Variants in RFX3 observed in about 807,000 individuals in gnomAD.
The protein encoded by RFX3 is transcription factor RFX3.
A neutral mutation model predicts 98.6 loss-of-function variants in RFX3; 14 were observed. The ratio of observed to expected loss-of-function variants is 0.14; its 90% confidence interval spans 0.09 to 0.22. The LOEUF (loss-of-function observed/expected upper bound fraction) is 0.22. Ranked by LOEUF, RFX3 falls within the 10% of genes least tolerant of loss-of-function variation. The pLI, the probability that RFX3 is intolerant of heterozygous loss-of-function variation, is 1.00. For missense variants in RFX3, 639 were observed against 926.9 expected (o/e 0.69, Z 4.03); for synonymous variants, 383 against 328.4 (o/e 1.17, Z -1.80).
intron 2 of RFX3, among the ~76,000 whole-genome samples, chr9:3,358,175 A>C (rs928856663): frequency 6.6e-6 from 1 of 152,164 alleles, no homozygotes; most frequent in East Asian, 1.9e-4. Flanking sequence ...ATCTATCAAA[A>C]GGGTTACTGT....
intron 4 of RFX3, among the ~76,000 whole-genome samples, chr9:3,327,693 T>C (rs1011694158): frequency 2.0e-5 from 3 of 152,088 alleles, no homozygotes; most frequent in Non-Finnish European, 4.4e-5. Context: ...TAGTATAAAA[T>C]TAATATGTAC....
Position 3,510,816 on chromosome 9 carries a change from G to T in RFX3, c.-9+14931C>A, listed in dbSNP as rs1044171593. ...TGTTTGGCTCATTAAACTTTATACT[G>T]GTGTTTTCTTCATACACTGTATCTT... On this transcript the variant is annotated intron_variant, in intron 1 of 16. Transcript: ENST00000617270. 2.6e-5 allele frequency among the ~76,000 whole-genome samples: 4 copies of T among 151,770 alleles called. No homozygotes were observed. The East Asian group carries it at 5.8e-4, about 22-fold the overall frequency.
At chr9:3,384,463 T>C (rs1269891368) in intron 2 of RFX3, among the ~76,000 whole-genome samples, 3 of 152,196 alleles carry the variant, frequency 2.0e-5, no homozygotes, top group Non-Finnish European at 2.9e-5. Context: ...AAACAAGTTA[T>C]TTAAATTCCT....
intron 14 of RFX3, among the ~76,000 whole-genome samples, chr9:3,253,725 G>C (rs1419849804): frequency 6.6e-6 from 1 of 152,040 alleles, no homozygotes; most frequent in East Asian, 1.9e-4. Flanking sequence ...AAAAATTTTA[G>C]AAATTAGATT....
At chr9:3,518,162 T>C (rs893619361) in intron 1 of RFX3, among the ~76,000 whole-genome samples, 3 of 152,144 alleles carry the variant, frequency 2.0e-5, no homozygotes, top group African/African-American at 7.2e-5. Context: ...TAGGTGTGTG[T>C]TGGGTACACT....
At chr9:3,461,354 T>C (rs1385050187) in intron 1 of RFX3, among the ~76,000 whole-genome samples, 1 of 151,944 alleles carries the variant, frequency 6.6e-6, no homozygotes, top group African/African-American at 2.4e-5. Flanking sequence ...GCATTTGAAA[T>C]CCTGATCCTA....
At chr9:3,434,606 C>G (rs898938623) in intron 1 of RFX3, among the ~76,000 whole-genome samples, 2 of 152,036 alleles carry the variant, frequency 1.3e-5, no homozygotes, top group African/African-American at 2.4e-5. Flanking sequence ...TTAATAGGAA[C>G]ATCCTTCCCT....
In RFX3 at chr9:3,463,000, C is replaced by A. The variant is rs375343869; in HGVS notation, c.-9+62747G>T. On this transcript the variant is annotated intron_variant, in intron 1 of 16. Coordinates refer to ENST00000617270, the MANE Select transcript of RFX3 (RefSeq NM_001282116.2). Reference sequence around the variant, plus strand: ...ATATATTAATTTTCTTGAAACAGATCTACAGAGTCAATGCAATTCCAATCA... The same window carrying A: ...ATATATTAATTTTCTTGAAACAGATATACAGAGTCAATGCAATTCCAATCA... Among the ~76,000 whole-genome samples the A allele has an allele frequency of 5.3e-5, 8 of 152,146 alleles. No homozygotes were observed. In the East Asian group the frequency reaches 1.5e-3, roughly 29 times the overall value.
At chr9:3,486,808 T>C (rs964434892) in intron 1 of RFX3, among the ~76,000 whole-genome samples, 2 of 152,222 alleles carry the variant, frequency 1.3e-5, no homozygotes, top group African/African-American at 4.8e-5. Context: ...AACGTTATCA[T>C]GTTTTTGATG....
intron 7 of RFX3, among the ~76,000 whole-genome samples, chr9:3,287,926 C>T (rs900617660): frequency 7.9e-5 from 12 of 151,912 alleles, no homozygotes; most frequent in Admixed American, 5.3e-4. Context: ...AGGGGCCAAA[C>T]GGCTGACTGA....
intron 1 of RFX3, among the ~76,000 whole-genome samples, chr9:3,437,747 C>G (rs1263099419): frequency 6.6e-6 from 1 of 152,022 alleles, no homozygotes; most frequent in Non-Finnish European, 1.5e-5. Flanking sequence ...TCAAGCCCAA[C>G]CCTATCTCTC....
intron 1 of RFX3, among the ~76,000 whole-genome samples, chr9:3,478,351 C>T (rs192885233): frequency 4.1e-4 from 61 of 150,022 alleles, no homozygotes; most frequent in East Asian, 3.9e-4. Flanking sequence ...CTTTCATGAA[C>T]GAATTTTACA....
At chr9:3,302,198 G>T (rs1828746633) in intron 4 of RFX3, among the ~76,000 whole-genome samples, 1 of 151,802 alleles carries the variant, frequency 6.6e-6, no homozygotes, top group South Asian at 2.1e-4. Flanking sequence ...GAAGTAAAAT[G>T]ATGGTCCCTA....
chr9:3,256,887 C>A (rs1029819070), intron 14 of RFX3, 104 bp downstream of exon 14: 5 of 1,084,306 alleles, frequency 4.6e-6, no homozygotes, highest in Admixed American at 2.0e-5. Context: ...AAACTAAAGT[C>A]TTTATTACTT....
intron 1 of RFX3, among the ~76,000 whole-genome samples, chr9:3,423,284 C>A (rs934543445): frequency 6.6e-6 from 1 of 152,120 alleles, no homozygotes; most frequent in Non-Finnish European, 1.5e-5. Context: ...TATTCCACTC[C>A]TAAGTATTGA....
At chr9:3,447,458 AAAG>A (rs1480039404) in intron 1 of RFX3, among the ~76,000 whole-genome samples, 1 of 152,228 alleles carries the variant, frequency 6.6e-6, no homozygotes, top group Non-Finnish European at 1.5e-5. Context: ...CCATTAAACA[AAAG>A]AAGACTATTT....
chr9:3,247,953 A>G (rs1276174585), intron 15 of RFX3, 79 bp downstream of exon 15: 1 of 1,613,676 alleles, frequency 6.2e-7, no homozygotes, highest in Non-Finnish European at 8.5e-7. Context: ...GTTTTAATCA[A>G]TAATGTATTT....
chr9:3,239,627 A>G (rs1454783009), intron 15 of RFX3, among the ~76,000 whole-genome samples: 1 of 152,236 alleles, frequency 6.6e-6, no homozygotes, highest in Non-Finnish European at 1.5e-5. Context: ...TCAGATTACA[A>G]TATTGGCCTT....
intron 14 of RFX3, among the ~76,000 whole-genome samples, chr9:3,250,153 C>T (rs1821194247): frequency 6.6e-6 from 1 of 151,640 alleles, no homozygotes; most frequent in East Asian, 1.9e-4. Context: ...GAATCACTTA[C>T]TAAAAAAGCA....
Sources: gnomAD v4.1 joint callset for allele counts (sites outside exome capture counted in the v4.1 genomes callset) on GRCh38, gnomAD v4.1.1 for gene constraint, MANE v1.5 for transcripts, NCBI Gene and HGNC (gene_info 2026-07-23, HGNC 2026-07-21) for gene names.